The following TENM1 variants were observed in gnomAD, a reference collection of about 807,000 sequenced individuals.
The protein encoded by TENM1 is teneurin-1.
A neutral mutation model predicts 174.8 loss-of-function variants in TENM1; 35 were observed. The ratio of observed to expected loss-of-function variants is 0.20; its 90% CI spans 0.15 to 0.27. The LOEUF is 0.27. Among genes scored for constraint, TENM1 ranks in the 10% least tolerant of loss-of-function variants. TENM1 has a pLI of 1.00. For missense variants in TENM1, 1,633 were observed against 2,130.1 expected (o/e 0.77, Z 4.59); for synonymous variants, 781 against 798.7 (o/e 0.98, Z 0.37).
At chrX:125,060,167 TCTCTCTCTCTCTCTCACACACACA>T in the TENM1 span, among the ~76,000 whole-genome samples, 2 of 82,315 alleles carry the variant, frequency 2.4e-5, no homozygotes, top group African/African-American at 1.5e-4. Context: ...CTCCTCTCTC[TCTCTCTCTCTCTCTCACACACACA>T]CACACACACA....
rs141457198 is a variant in TENM1, at chrX:124,523,468, C to A, written c.2929G>T (p.Asp977Tyr). ...TTTGGGCTGATAAAGTTGGAGATAT[C>A]GCAGGATGGCGGGTCTGATACAACT... is the stretch of plus-strand genomic sequence containing the variant. Residue 977 changes from aspartate to tyrosine, a missense_variant, in exon 17 of 32, where the codon GAT becomes TAT. Physicochemically the swap from Asp to Tyr is radical, Grantham distance 160 (BLOSUM62 -3). Coordinates refer to ENST00000422452, the Ensembl canonical transcript of TENM1. 6.4e-5 allele frequency: 77 copies of A among 1,209,551 alleles called. No individual in the cohort carries two copies. The African/African-American group carries it at 1.3e-3, about 20-fold the overall frequency.
the TENM1 span, among the ~76,000 whole-genome samples, chrX:124,993,659 G>T: frequency 1.8e-5 from 2 of 110,569 alleles, no homozygotes; most frequent in African/African-American, 3.3e-5. Flanking sequence ...AGACAAATGA[G>T]AATTAAATAC....
chrX:124,888,156 T>C (rs1376760090), intron 3 of TENM1, among the ~76,000 whole-genome samples: 1 of 111,663 alleles, frequency 9.0e-6, no homozygotes, highest in East Asian at 2.8e-4. Context: ...GAGAACAGCA[T>C]ATGCATGGCT....
chrX:125,085,814 A>G, the TENM1 span, among the ~76,000 whole-genome samples: 1 of 111,020 alleles, frequency 9.0e-6, no homozygotes. Context: ...CATTCTGATA[A>G]TGATGCTTTC....
intron 23 of TENM1, among the ~76,000 whole-genome samples, chrX:124,429,814 C>T (rs1257681826): frequency 2.7e-5 from 3 of 111,924 alleles, no homozygotes; most frequent in Non-Finnish European, 5.6e-5. Context: ...CTGACTTTTA[C>T]ACATTAGGTG....
At chrX:124,673,324 T>G (rs2051971437) in intron 5 of TENM1, among the ~76,000 whole-genome samples, 1 of 112,172 alleles carries the variant, frequency 8.9e-6, no homozygotes, top group South Asian at 3.7e-4. Context: ...AGCACACTGG[T>G]GCCACACTTA....
intron 11 of TENM1, among the ~76,000 whole-genome samples, chrX:124,607,318 G>C (rs994813142): frequency 3.6e-5 from 4 of 110,616 alleles, no homozygotes; most frequent in Middle Eastern, 4.6e-3. Flanking sequence ...TAGGGTGAGA[G>C]GGATGCAGAG....
intron 22 of TENM1, among the ~76,000 whole-genome samples, chrX:124,461,049 C>T (rs2061167265): frequency 8.9e-6 from 1 of 112,212 alleles, no homozygotes; most frequent in Non-Finnish European, 1.9e-5. Flanking sequence ...CAGAATTATT[C>T]TTCAAAGGTA....
chrX:124,847,077 C>A, intron 3 of TENM1, among the ~76,000 whole-genome samples: 1 of 111,204 alleles, frequency 9.0e-6, no homozygotes. Flanking sequence ...GTTCTCAATA[C>A]AAATAAATTT....
At chrX:125,065,797 G>A in the TENM1 span, among the ~76,000 whole-genome samples, 1 of 112,247 alleles carries the variant, frequency 8.9e-6, no homozygotes, top group African/African-American at 3.2e-5. Flanking sequence ...TGCATATGGA[G>A]ACTAAGATTT....
chrX:124,674,654 G>A (rs1029342736), intron 5 of TENM1, among the ~76,000 whole-genome samples: 9 of 111,427 alleles, frequency 8.1e-5, no homozygotes, highest in Admixed American at 2.9e-4. Context: ...TTCTGAGTAA[G>A]GTATGGTATG....
intron 11 of TENM1, among the ~76,000 whole-genome samples, chrX:124,624,255 C>T (rs183188159): frequency 9.0e-6 from 1 of 111,374 alleles, no homozygotes; most frequent in East Asian, 2.8e-4. Context: ...AAAGGTATGA[C>T]CTTCCTAGTA....
At chrX:124,776,595 T>C (rs1350600745) in intron 3 of TENM1, among the ~76,000 whole-genome samples, 1 of 112,105 alleles carries the variant, frequency 8.9e-6, no homozygotes, top group African/African-American at 3.2e-5. Context: ...ACCAAAAATA[T>C]TTATCTGTTT....
intron 27 of TENM1, among the ~76,000 whole-genome samples, chrX:124,392,899 T>C (rs1355309993): frequency 9.0e-6 from 1 of 111,696 alleles, no homozygotes; most frequent in East Asian, 2.8e-4. Flanking sequence ...CCTCTAGTTA[T>C]GGAATCTCAC....
At chrX:125,002,798 A>T in the TENM1 span, among the ~76,000 whole-genome samples, 3 of 111,497 alleles carry the variant, frequency 2.7e-5, no homozygotes, top group Non-Finnish European at 5.7e-5. Context: ...TTTCCTCCTC[A>T]CTATATGCTG....
intron 1 of TENM1, among the ~76,000 whole-genome samples, chrX:124,924,163 G>A (rs538575574): frequency 1.8e-5 from 2 of 111,221 alleles, no homozygotes; most frequent in African/African-American, 6.5e-5. Context: ...TTTAATTTTC[G>A]AATTGACTTT....
intron 3 of TENM1, among the ~76,000 whole-genome samples, chrX:124,886,544 TATATAGAGAG>T (rs1272757651): frequency 2.0e-4 from 17 of 84,422 alleles, no homozygotes; most frequent in African/African-American, 5.8e-4. Flanking sequence ...TATATATATA[TATATAGAGAG>T]AGAGAGAGAG....
At chrX:125,012,226 C>G in the TENM1 span, among the ~76,000 whole-genome samples, 1 of 111,664 alleles carries the variant, frequency 9.0e-6, no homozygotes, top group Non-Finnish European at 1.9e-5. Flanking sequence ...GGAGAAATAC[C>G]TAATGCATGT....
At chrX:125,120,147 C>G in the TENM1 span, among the ~76,000 whole-genome samples, 1 of 111,703 alleles carries the variant, frequency 9.0e-6, no homozygotes, top group Non-Finnish European at 1.9e-5. Context: ...CAGATTAACC[C>G]AGTCTGTATC....
Sources: gnomAD v4.1 joint callset for allele counts (sites outside exome capture counted in the v4.1 genomes callset) on GRCh38, gnomAD v4.1.1 for gene constraint, MANE v1.5 for transcripts, NCBI Gene and HGNC (gene_info 2026-07-23, HGNC 2026-07-21) for gene names.